The following SPAG16 variants were observed in gnomAD, a reference collection of about 807,000 sequenced individuals.
SPAG16 encodes the protein sperm associated antigen 16, also known as sperm-associated antigen 16 protein.
A neutral mutation model predicts 80.4 loss-of-function variants in SPAG16; 86 were observed. That is an observed-to-expected ratio of 1.07 (90% CI 0.90 to 1.28). The LOEUF is 1.28. SPAG16 is among the 50% of genes most tolerant of loss of function. The pLI is 0.00. For missense variants in SPAG16, 870 were observed against 765.3 expected (o/e 1.14, Z -1.61); for synonymous variants, 294 against 265.9 (o/e 1.11, Z -1.03).
chr2:214,177,415 T>TA (rs2057129025), intron 15 of SPAG16, among the ~76,000 whole-genome samples: 1 of 151,152 alleles, frequency 6.6e-6, no homozygotes, highest in South Asian at 2.1e-4. Flanking sequence ...CCTATGGTTC[T>TA]ACCAGCAATT....
intron 15 of SPAG16, among the ~76,000 whole-genome samples, chr2:214,202,715 A>G (rs2058043414): frequency 6.6e-6 from 1 of 152,200 alleles, no homozygotes; most frequent in African/African-American, 2.4e-5. Context: ...GGTTTGAGCT[A>G]ATCTGATCTA....
chr2:213,604,410 A>T (rs897124562), intron 10 of SPAG16, among the ~76,000 whole-genome samples: 1 of 152,144 alleles, frequency 6.6e-6, no homozygotes, highest in Non-Finnish European at 1.5e-5. Context: ...ATATACATGT[A>T]TATTTTTTAC....
At chr2:213,583,857 G>T (rs1248520078) in intron 10 of SPAG16, among the ~76,000 whole-genome samples, 1 of 152,174 alleles carries the variant, frequency 6.6e-6, no homozygotes, top group Admixed American at 6.5e-5. Flanking sequence ...ATTTGAGATT[G>T]TAGTACCTGT....
chr2:214,326,559 A>C (rs906691230), intron 15 of SPAG16, among the ~76,000 whole-genome samples: 7 of 49,748 alleles, frequency 1.4e-4, no homozygotes, highest in Non-Finnish European at 8.3e-4. Flanking sequence ...TCATAATAAG[A>C]AGAGAGAAAT....
chr2:213,879,605 A>G (rs889095169), intron 11 of SPAG16, among the ~76,000 whole-genome samples: 2 of 152,038 alleles, frequency 1.3e-5, no homozygotes, highest in African/African-American at 4.8e-5. Context: ...AGTACAGAAC[A>G]GGTTGTTTTT....
rs2057001658 is a variant in SPAG16 at position 214,174,546 on chromosome 2, T to C, written c.1720+25280T>C. On this transcript the variant is annotated intron_variant, in intron 15 of 15. Transcript: ENST00000331683. ...AAGGGACGTGAAGAGAAGTTATTAA[T>C]GTTGAAACAGTTCAGTTAATGTTGC... Among the ~76,000 whole-genome samples the C allele has an allele frequency of 3.3e-5, 5 of 152,006 alleles. No homozygotes were observed. The South Asian group carries it at 1.0e-3, about 31-fold the overall frequency.
intron 10 of SPAG16, among the ~76,000 whole-genome samples, chr2:213,812,791 T>C (rs895982498): frequency 1.3e-5 from 2 of 152,200 alleles, no homozygotes; most frequent in African/African-American, 4.8e-5. Flanking sequence ...CTATCATCTC[T>C]AGGAAACTGG....
intron 10 of SPAG16, among the ~76,000 whole-genome samples, chr2:213,811,481 G>A (rs1166826431): frequency 6.6e-6 from 1 of 152,076 alleles, no homozygotes; most frequent in African/African-American, 2.4e-5. Context: ...CTGGCAGGAT[G>A]GTGAGGAGAG....
intron 10 of SPAG16, among the ~76,000 whole-genome samples, chr2:213,629,345 A>C (rs2062064076): frequency 6.6e-6 from 1 of 152,230 alleles, no homozygotes; most frequent in Admixed American, 6.5e-5. Context: ...TTCTAGCTGA[A>C]GCACCTAGCC....
intron 13 of SPAG16, among the ~76,000 whole-genome samples, chr2:214,097,291 G>A (rs1378609698): frequency 6.6e-6 from 1 of 151,958 alleles, no homozygotes; most frequent in African/African-American, 2.4e-5. Context: ...AAATTAAATA[G>A]GGGGCATAAT....
At chr2:214,215,755 C>A (rs1319748954) in intron 15 of SPAG16, among the ~76,000 whole-genome samples, 1 of 152,154 alleles carries the variant, frequency 6.6e-6, no homozygotes, top group African/African-American at 2.4e-5. Context: ...TTCCTTCTGC[C>A]AGTTGCAATA....
chr2:213,330,382 C>T (rs1045317785), intron 5 of SPAG16, among the ~76,000 whole-genome samples: 15 of 152,290 alleles, frequency 9.8e-5, no homozygotes, highest in South Asian at 8.3e-4. Flanking sequence ...CTTGTATCAG[C>T]GTGACCTGGA....
chr2:214,091,138 G>T (rs2052168334), intron 13 of SPAG16, among the ~76,000 whole-genome samples: 1 of 152,042 alleles, frequency 6.6e-6, no homozygotes, highest in Admixed American at 6.6e-5. Context: ...GCTAACCAGT[G>T]CTAATTAACA....
chr2:214,151,842 G>A (rs889209537), intron 15 of SPAG16, among the ~76,000 whole-genome samples: 8 of 152,116 alleles, frequency 5.3e-5, no homozygotes. Flanking sequence ...ATAATGTTAT[G>A]TAACACATGT....
intron 15 of SPAG16, among the ~76,000 whole-genome samples, chr2:214,233,149 G>T (rs748479703): frequency 2.0e-5 from 3 of 152,008 alleles, no homozygotes; most frequent in Non-Finnish European, 4.4e-5. Context: ...ATAAGTGTTA[G>T]CATAGAGGTT....
chr2:213,851,676 C>T (rs1310114279), intron 10 of SPAG16, among the ~76,000 whole-genome samples: 2 of 152,172 alleles, frequency 1.3e-5, no homozygotes, highest in African/African-American at 4.8e-5. Context: ...TCTTACCTTG[C>T]CAATGATTGG....
chr2:214,339,409 G>A (rs1430686277), intron 15 of SPAG16, among the ~76,000 whole-genome samples: 1 of 152,134 alleles, frequency 6.6e-6, no homozygotes, highest in East Asian at 1.9e-4. Flanking sequence ...AATAAAGTAA[G>A]TATAGTACTT....
intron 5 of SPAG16, among the ~76,000 whole-genome samples, chr2:213,320,882 G>A (rs1232955484): frequency 1.3e-5 from 2 of 151,824 alleles, no homozygotes; most frequent in African/African-American, 2.4e-5. Context: ...ATTAAGTTTT[G>A]AAAAAAGTTT....
intron 10 of SPAG16, among the ~76,000 whole-genome samples, chr2:213,580,280 C>T (rs115204947): frequency 0.017 from 2,542 of 152,176 alleles, 36 homozygotes; most frequent in South Asian, 0.052. Flanking sequence ...TCCACAAATA[C>T]CCACTTATTC....
Sources: gnomAD v4.1 joint callset for allele counts (sites outside exome capture counted in the v4.1 genomes callset) on GRCh38, gnomAD v4.1.1 for gene constraint, MANE v1.5 for transcripts, NCBI Gene and HGNC (gene_info 2026-07-23, HGNC 2026-07-21) for gene names.